Variants in LMO7 observed in about 807,000 individuals in gnomAD.
The protein encoded by LMO7 is LIM domain 7.
In LMO7, 120 loss-of-function variants were observed where a neutral mutation model predicts 206.5. That is an observed-to-expected ratio of 0.58 (90% CI 0.50 to 0.68). The LOEUF (loss-of-function observed/expected upper bound fraction) is 0.68. Ranked by LOEUF, LMO7 falls within the 30% of genes least tolerant of loss-of-function variation. The pLI is 0.00. For missense variants in LMO7, 1,959 were observed against 1,957.9 expected (o/e 1.00, Z -0.01); for synonymous variants, 706 against 681.5 (o/e 1.04, Z -0.56).
chr13:75,638,334 T>C (rs1341199748), intron 1 of LMO7, among the ~76,000 whole-genome samples: 1 of 152,026 alleles, frequency 6.6e-6, no homozygotes, highest in Non-Finnish European at 1.5e-5. Context: ...TGCTCATAAT[T>C]ATGTAGGTTT....
intron 4 of LMO7, chr13:75,789,205 A>T (rs1030298950): frequency 6.6e-6 from 1 of 152,154 alleles, no homozygotes; most frequent in Non-Finnish European, 1.5e-5. Flanking sequence ...TTTATCATAC[A>T]TGTTTCCCTG....
At position 75,840,876 on chromosome 13, in the gene LMO7, T is replaced by C. The variant is rs1423289984; in HGVS notation, c.3583-233T>C. ...AATGAATTAGAGCCATGGTAAAGGG[T>C]GGATGGGGGTTTAATTCTCAGTGTC... On this transcript the variant is annotated intron_variant, in intron 22 of 30. Transcript: ENST00000377534. Among the ~76,000 whole-genome samples, 3 of 151,908 alleles carry C rather than the reference T, an allele frequency of 2.0e-5. No individual in the cohort carries two copies. In the East Asian group the frequency reaches 5.8e-4, roughly 29 times the overall value.
intron 19 of LMO7, among the ~76,000 whole-genome samples, chr13:75,837,657 T>C (rs2059237074): frequency 6.6e-6 from 1 of 152,196 alleles, no homozygotes; most frequent in Admixed American, 6.5e-5. Flanking sequence ...GTCGTAACTT[T>C]AGTATTTTGT....
intron 1 of LMO7, among the ~76,000 whole-genome samples, chr13:75,709,052 G>T (rs1462789124): frequency 6.6e-6 from 1 of 151,990 alleles, no homozygotes; most frequent in African/African-American, 2.4e-5. Context: ...GCGGTGTTTG[G>T]TTTTTTGTCC....
At chr13:75,844,349 T>C in intron 25 of LMO7, among the ~76,000 whole-genome samples, 1 of 150,986 alleles carries the variant, frequency 6.6e-6, no homozygotes, top group South Asian at 2.1e-4. Context: ...AGTATAATAT[T>C]ACATATTATA....
chr13:75,636,300 A>C, upstream of LMO7: 2 of 1,074,254 alleles, frequency 1.9e-6, no homozygotes, highest in Non-Finnish European at 2.3e-6. Flanking sequence ...CGCGGGGAGG[A>C]CGGCGGCGGC....
intron 3 of LMO7, among the ~76,000 whole-genome samples, chr13:75,740,957 C>T (rs1350225817): frequency 1.3e-5 from 2 of 152,166 alleles, no homozygotes; most frequent in Non-Finnish European, 2.9e-5. Flanking sequence ...ATTTATTTTT[C>T]ACCTATCAGT....
At chr13:75,742,569 C>T (rs905512159) in intron 3 of LMO7, among the ~76,000 whole-genome samples, 1 of 152,134 alleles carries the variant, frequency 6.6e-6, no homozygotes, top group Non-Finnish European at 1.5e-5. Flanking sequence ...AATAAGGCTG[C>T]ACACTTACAA....
intron 1 of LMO7, among the ~76,000 whole-genome samples, chr13:75,667,571 CA>C (rs971544186): frequency 1.4e-4 from 21 of 151,998 alleles, no homozygotes; most frequent in African/African-American, 5.1e-4. Context: ...TCATTTTAGC[CA>C]CTTTATTTTT....
At chr13:75,811,228 A>G (rs952067971) in intron 11 of LMO7, among the ~76,000 whole-genome samples, 1 of 117,142 alleles carries the variant, frequency 8.5e-6, no homozygotes, top group African/African-American at 3.2e-5. Context: ...TTTTTTTTTA[A>G]GAGATGGAGT....
intron 1 of LMO7, among the ~76,000 whole-genome samples, chr13:75,652,794 A>C (rs552067467): frequency 6.6e-6 from 1 of 152,154 alleles, no homozygotes. Flanking sequence ...TTTATTATAA[A>C]ATTGAATTGA....
At chr13:75,727,828 A>G (rs2044637085) in intron 3 of LMO7, among the ~76,000 whole-genome samples, 1 of 129,344 alleles carries the variant, frequency 7.7e-6, no homozygotes, top group Non-Finnish European at 1.6e-5. Flanking sequence ...TCCTGTGTCC[A>G]TGTGTTCTCA....
intron 1 of LMO7, among the ~76,000 whole-genome samples, chr13:75,711,734 A>T (rs938275756): frequency 5.3e-5 from 8 of 152,066 alleles, no homozygotes; most frequent in African/African-American, 1.9e-4. Flanking sequence ...AGCTGTTCCT[A>T]TTTGGCCATC....
intron 4 of LMO7, among the ~76,000 whole-genome samples, chr13:75,786,279 T>C (rs1231976783): frequency 1.3e-5 from 2 of 152,204 alleles, no homozygotes; most frequent in Admixed American, 6.5e-5. Flanking sequence ...GTGTCCCTTC[T>C]GTTGGTCTTG....
chr13:75,834,371 G>C lies in LMO7; in HGVS notation c.3210G>C (p.Arg1070Ser). ...CTGGACACCTAGTGATGGATGTGAG[G>C]CGCTATGGAAAGGCTGGTGAGTTTG... is the stretch of plus-strand genomic sequence containing the variant. ...QETGHLVMDV[R>S]RYGKAGSPET... is the part of the protein sequence containing the mutation. The change falls in exon 17 of 31, where the codon AGG becomes AGC. Residue 1070 changes from arginine to serine, a missense_variant. Physicochemically the swap from Arg to Ser is moderately radical, Grantham distance 110. Transcript: ENST00000377534. 3.1e-6 allele frequency: 5 copies of C among 1,599,220 alleles called. No homozygotes were observed. The highest frequency in any genetic ancestry group is 4.3e-6 in the Non-Finnish European group (5 of 1,173,330).
intron 1 of LMO7, among the ~76,000 whole-genome samples, chr13:75,622,041 C>T (rs549451829): frequency 1.1e-4 from 17 of 152,222 alleles, no homozygotes; most frequent in Non-Finnish European, 1.8e-4. Flanking sequence ...AGACTATCCC[C>T]GGGCATTTTC....
In LMO7 at chr13:75,671,953, G is replaced by A. The variant is rs191022731; in HGVS notation, c.69+35227G>A. On this transcript the variant is annotated intron_variant, in intron 1 of 30. Coordinates refer to ENST00000377534, the MANE Select transcript of LMO7 (RefSeq NM_001306080.2). ...AAAAAATCTTCAGAGGGCTTCTGAAGTTTTGAATGCTTTGGATATTCTTCA... is the reference window on the plus strand; with the variant it reads ...AAAAAATCTTCAGAGGGCTTCTGAAATTTTGAATGCTTTGGATATTCTTCA... Among the ~76,000 whole-genome samples the A allele has an allele frequency of 8.9e-4, 135 of 152,196 alleles. 1 individual carries two copies. Among genetic ancestry groups the A allele is most frequent in the Non-Finnish European group, 1.5e-3 (102 of 68,022 alleles).
At chr13:75,804,682 C>T in intron 8 of LMO7, 141 bp downstream of exon 8, 1 of 1,160,326 alleles carries the variant, frequency 8.6e-7, no homozygotes. Flanking sequence ...TTTCATCCCT[C>T]TATTTTTAGT....
At chr13:75,661,632 C>T (rs1255853694) in intron 1 of LMO7, among the ~76,000 whole-genome samples, 3 of 152,158 alleles carry the variant, frequency 2.0e-5, no homozygotes, top group Non-Finnish European at 2.9e-5. Context: ...TTCCAGTTCC[C>T]GTTCCTCATG....
Sources: allele counts gnomAD v4.1 joint callset (sites outside exome capture counted in the v4.1 genomes callset), GRCh38; gene constraint gnomAD v4.1.1; transcripts MANE v1.5; gene names NCBI Gene and HGNC (gene_info 2026-07-23, HGNC 2026-07-21).